The following IRAK2 variants were observed in gnomAD, a reference collection of about 807,000 sequenced individuals.
IRAK2 encodes interleukin-1 receptor-associated kinase-like 2.
Under a neutral mutation model 72.0 loss-of-function variants are expected in IRAK2, and 57 were observed. The observed-to-expected ratio is 0.79, with a 90% CI of 0.64 to 0.99. The LOEUF is 0.99. Ranked by LOEUF, IRAK2 falls within the 50% of genes least tolerant of loss-of-function variation. The probability of loss-of-function intolerance (pLI) is 0.00; values close to 1 mark genes in which losing one functional copy is unlikely to be tolerated. For synonymous variants in IRAK2, 293 were observed against 312.7 expected, an observed-to-expected ratio of 0.94 and a Z score of 0.67; for missense variants, 790 against 794.4, an observed-to-expected ratio of 0.99 and a Z score of 0.07.
At chr3:10,226,549 G>C (rs954519818) in intron 10 of IRAK2, 116 bp downstream of exon 10, 1 of 759,056 alleles carries the variant, frequency 1.3e-6, no homozygotes, top group African/African-American at 1.8e-5. Context: ...CCCGGTACAA[G>C]GTTGCATTTG....
At chr3:10,168,562 T>C (rs371773583) in intron 1 of IRAK2, among the ~76,000 whole-genome samples, 1 of 152,174 alleles carries the variant, frequency 6.6e-6, no homozygotes, top group East Asian at 1.9e-4. Flanking sequence ...AGTGGCATCT[T>C]ACTGTGGTTT....
Position 10,226,359 on chromosome 3 carries a change from T to C in IRAK2, c.1210-12T>C. On this transcript the variant is annotated splice_polypyrimidine_tract_variant and intron_variant, in intron 9 of 12. Transcript: ENST00000256458. ...GTCTGAACCATGCTAACTCACGTTCTGTTCTCTCCAGGTGTTGGCCGAGGT... is the reference window on the plus strand; with the variant it reads ...GTCTGAACCATGCTAACTCACGTTCCGTTCTCTCCAGGTGTTGGCCGAGGT... The C allele has an allele frequency of 1.9e-6, 3 of 1,612,304 alleles. No homozygotes were observed. The highest frequency in any genetic ancestry group is 2.5e-6 in the Non-Finnish European group (3 of 1,178,774).
At chr3:10,196,580 G>A (rs200090361) in intron 2 of IRAK2, among the ~76,000 whole-genome samples, 1 of 152,244 alleles carries the variant, frequency 6.6e-6, no homozygotes, top group East Asian at 1.9e-4. Flanking sequence ...ATCAGGATGG[G>A]GGGGTGTGGC....
chr3:10,190,111 G>A (rs1220496740), intron 2 of IRAK2, among the ~76,000 whole-genome samples: 1 of 151,058 alleles, frequency 6.6e-6, no homozygotes, highest in Non-Finnish European at 1.5e-5. Context: ...TAGTGATGAG[G>A]CCAACATGGG....
Position 10,174,768 on chromosome 3 carries a change from G to A in IRAK2, c.95-3070G>A, listed in dbSNP as rs191438168. Among the ~76,000 whole-genome samples the A allele has an allele frequency of 4.5e-3, 689 of 151,880 alleles. 18 individuals carry two copies. The highest frequency in any genetic ancestry group is 0.038 in the Admixed American group (578 of 15,222). On this transcript the variant is annotated intron_variant, in intron 1 of 12. Transcript: ENST00000256458. ...TCGAACTCCTGAACTTAGGTGATCC[G>A]CCCACCTCAGCCTCCCAAAGTGCTG...
intron 3 of IRAK2, among the ~76,000 whole-genome samples, chr3:10,206,930 G>A (rs1036649269): frequency 1.7e-4 from 25 of 148,368 alleles, no homozygotes; most frequent in Non-Finnish European, 3.0e-4. Flanking sequence ...CTCAGCTCAC[G>A]GCAACCTTTG....
intron 1 of IRAK2, 80 bp from the exon 2 acceptor site, chr3:10,177,758 C>A: frequency 7.1e-7 from 1 of 1,416,370 alleles, no homozygotes; most frequent in Non-Finnish European, 9.9e-7. Context: ...TGGAAAAGCC[C>A]AGCTAGGGGC....
At chr3:10,201,310 C>T (rs1697357230) in intron 3 of IRAK2, among the ~76,000 whole-genome samples, 1 of 152,220 alleles carries the variant, frequency 6.6e-6, no homozygotes, top group South Asian at 2.1e-4. Flanking sequence ...AGTGGTCTCC[C>T]GTGTCCCCAG....
At chr3:10,193,336 G>A (rs970915681) in intron 2 of IRAK2, among the ~76,000 whole-genome samples, 5 of 151,908 alleles carry the variant, frequency 3.3e-5, no homozygotes, top group African/African-American at 1.2e-4. Flanking sequence ...GGGTGCAGTG[G>A]CTCACACCTG....
intron 2 of IRAK2, among the ~76,000 whole-genome samples, chr3:10,183,531 C>T (rs1696995683): frequency 6.6e-6 from 1 of 152,142 alleles, no homozygotes; most frequent in Admixed American, 6.6e-5. Context: ...TCCTGGCTAA[C>T]ACAGTGAAAC....
intron 1 of IRAK2, among the ~76,000 whole-genome samples, chr3:10,165,413 T>TA (rs1696666214): frequency 6.6e-6 from 1 of 151,686 alleles, no homozygotes; most frequent in Non-Finnish European, 1.5e-5. Flanking sequence ...GGACCCACGG[T>TA]GCTGTCACTT....
In IRAK2 at chr3:10,198,067, T is replaced by C. The variant is rs561610655; in HGVS notation, c.278-2302T>C. Among the ~76,000 whole-genome samples the C allele has an allele frequency of 4.1e-3, 625 of 151,700 alleles. 3 individuals carry two copies. The highest frequency in any genetic ancestry group is 6.3e-3 in the Non-Finnish European group (425 of 67,922). ...AGAAAAAATTAGCCGGGCGTGCTGGTGGGCGCCTGTAGTCCCAGCTACACG... is the reference window on the plus strand; with the variant it reads ...AGAAAAAATTAGCCGGGCGTGCTGGCGGGCGCCTGTAGTCCCAGCTACACG... On this transcript the variant is annotated intron_variant, in intron 2 of 12. Coordinates refer to ENST00000256458, the MANE Select transcript of IRAK2 (RefSeq NM_001570.4).
chr3:10,189,592 G>C (rs11465875), intron 2 of IRAK2, among the ~76,000 whole-genome samples: 1,830 of 152,302 alleles, frequency 0.012, 37 homozygotes, highest in African/African-American at 0.041. Context: ...CTGAAGTCTT[G>C]AGTTTCACAA....
intron 1 of IRAK2, among the ~76,000 whole-genome samples, chr3:10,165,787 G>A (rs1289382997): frequency 1.4e-5 from 2 of 146,356 alleles, no homozygotes; most frequent in Non-Finnish European, 3.0e-5. Flanking sequence ...CTGGAGTGCA[G>A]TGGCGCGATC....
intron 2 of IRAK2, among the ~76,000 whole-genome samples, chr3:10,199,403 C>G (rs568567110): frequency 6.6e-6 from 1 of 152,216 alleles, no homozygotes; most frequent in African/African-American, 2.4e-5. Context: ...GTTTCCTCAT[C>G]TCTGAACAGG....
intron 1 of IRAK2, among the ~76,000 whole-genome samples, chr3:10,172,618 T>C (rs1696815044): frequency 6.9e-6 from 1 of 145,352 alleles, no homozygotes; most frequent in Non-Finnish European, 1.5e-5. Context: ...GGTGGGTGGA[T>C]CACGAGGTCA....
intron 2 of IRAK2, among the ~76,000 whole-genome samples, chr3:10,181,535 G>T (rs149732469): frequency 6.6e-6 from 1 of 152,092 alleles, no homozygotes; most frequent in Admixed American, 6.6e-5. Context: ...GGGAGGCGGA[G>T]GTTGCAGTGA....
intron 10 of IRAK2, among the ~76,000 whole-genome samples, 157 bp from the exon 11 acceptor site, chr3:10,234,302 G>C: frequency 6.6e-6 from 1 of 152,112 alleles, no homozygotes; most frequent in East Asian, 1.9e-4. Flanking sequence ...CCATTTCTTG[G>C]GGGTTTTACT....
chr3:10,198,841 C>G (rs1697312060), intron 2 of IRAK2, among the ~76,000 whole-genome samples: 1 of 152,086 alleles, frequency 6.6e-6, no homozygotes, highest in African/African-American at 2.4e-5. Flanking sequence ...TGCTTTATGT[C>G]ATGCTCTGTG....
Sources: allele counts gnomAD v4.1 joint callset (sites outside exome capture counted in the v4.1 genomes callset), GRCh38; gene constraint gnomAD v4.1.1; transcripts MANE v1.5; gene names NCBI Gene and HGNC (gene_info 2026-07-23, HGNC 2026-07-21).